The following CELSR1 variants were observed in gnomAD, a reference collection of about 807,000 sequenced individuals.
CELSR1 encodes the protein cadherin EGF LAG seven-pass G-type receptor 1.
In CELSR1, 110 loss-of-function variants were observed where a neutral mutation model predicts 249.1. The observed-to-expected ratio is 0.44, with a 90% CI of 0.38 to 0.52. The LOEUF (loss-of-function observed/expected upper bound fraction) is 0.52, where lower values mean the gene tolerates loss of function less well. Among genes scored for constraint, CELSR1 ranks in the 20% least tolerant of loss-of-function variants. The pLI is 0.00. For synonymous variants in CELSR1, 2,113 were observed against 1,900.0 expected, an observed-to-expected ratio of 1.11 and a Z score of -2.92; for missense variants, 4,109 against 4,296.4, an observed-to-expected ratio of 0.96 and a Z score of 1.22.
In CELSR1 at chr22:46,406,248, C is replaced by T. The variant is rs937513092; in HGVS notation, c.5226+2748G>A. 6.6e-6 allele frequency among the ~76,000 whole-genome samples: 1 copy of T among 152,236 alleles called. No individual in the cohort carries two copies. The highest frequency in any genetic ancestry group is 2.4e-5 in the African/African-American group (1 of 41,458). On this transcript the variant is annotated intron_variant, in intron 9 of 34. Coordinates refer to ENST00000674500, the MANE Select transcript of CELSR1 (RefSeq NM_001378328.1). This position sits in a 1 kb window ranked among gnomAD's most constrained non-coding sequence, Gnocchi z 5.4. ...AAAATACCATCCCCAGGCAGCACCG[C>T]ACTTGCCAAGTTTTGGCCTGGAGCA...
At position 46,381,082 on chromosome 22, in the gene CELSR1, G is replaced by C. The variant is rs1046324744; in HGVS notation, c.7089-127C>G. 1 of 1,010,042 alleles carries C rather than the reference G, an allele frequency of 9.9e-7. No homozygotes were observed. The highest frequency in any genetic ancestry group is 1.6e-5 in the African/African-American group (1 of 61,570). 62.6% of individuals were successfully genotyped at this position (1,010,042 alleles called of 1,614,324 possible). The stretch of plus-strand genomic sequence containing the variant: ...GGGGAGACAGAATCACACTCCGAGA[G>C]CTCGGACCCACGGACCCCACAGTAT... On this transcript the variant is annotated intron_variant, in intron 21 of 34. Coordinates refer to ENST00000674500, the MANE Select transcript of CELSR1 (RefSeq NM_001378328.1). The surrounding 1 kb of genome is among the most constrained non-coding windows in gnomAD (Gnocchi z 6.0).
intron 19 of CELSR1, among the ~76,000 whole-genome samples, chr22:46,386,100 G>A (rs1293031556): frequency 1.3e-5 from 2 of 151,862 alleles, no homozygotes; most frequent in African/African-American, 4.8e-5. Flanking sequence ...CTCCTGAGTA[G>A]CTGGGATTAC....
rs897893564 is a variant in CELSR1 at position 46,484,572 on chromosome 22, C to T, written c.3545-20227G>A. Among the ~76,000 whole-genome samples the T allele has an allele frequency of 4.0e-5, 6 of 150,404 alleles. No homozygotes were observed. The highest frequency in any genetic ancestry group is 6.7e-5 in the Admixed American group (1 of 14,954). On this transcript the variant is annotated intron_variant, in intron 1 of 34. Coordinates refer to ENST00000674500, the MANE Select transcript of CELSR1 (RefSeq NM_001378328.1). The surrounding 1 kb of genome is among the most constrained non-coding windows in gnomAD (Gnocchi z 4.5). ...CCTCAAGTTAGAGCTGGGGGCAGCC[C>T]GGGACAGCCTGGCAAGGGGCAGCTG... is the stretch of plus-strand genomic sequence containing the variant.
Position 46,536,388 on chromosome 22 carries a change from G to A in CELSR1, c.783C>T (p.Gly261=). ...GCGCGTGCAGCTGGAGGATGAGGGT[G>A]CCCGCCGGTTCGTTCTCAAACAACG... The part of the protein sequence containing the change: ...QVALFENEPA[G]TLILQLHAHY... The change falls in exon 1 of 35, where the codon GGC becomes GGT. Residue 261 remains glycine (G), a synonymous_variant. Coordinates refer to ENST00000674500, the MANE Select transcript of CELSR1 (RefSeq NM_001378328.1). The A allele has an allele frequency of 6.2e-7, 1 of 1,612,180 alleles. No homozygotes were observed. The highest frequency in any genetic ancestry group is 8.5e-7 in the Non-Finnish European group (1 of 1,179,466).
At chr22:46,458,891 T>C (rs549744867) in intron 2 of CELSR1, among the ~76,000 whole-genome samples, 149 of 152,168 alleles carry the variant, frequency 9.8e-4, no homozygotes, top group African/African-American at 3.3e-3. Context: ...TTAGGTTTTT[T>C]TTTGTTTGTG....
At chr22:46,369,298 C>CACTGCAG (rs1209373881) in intron 26 of CELSR1, 40 bp from the exon 27 acceptor site, 2 of 140,796 alleles carry the variant, frequency 1.4e-5, no homozygotes, top group Non-Finnish European at 2.5e-5. Context: ...TCTCTCTCGT[C>CACTGCAG]ACTGCAGACC....
chr22:46,395,245 G>C lies in CELSR1; in HGVS notation c.5844-983C>G, dbSNP rs1484167890. On this transcript the variant is annotated intron_variant, in intron 13 of 34. Coordinates refer to ENST00000674500, the MANE Select transcript of CELSR1 (RefSeq NM_001378328.1). This position sits in a 1 kb window ranked among gnomAD's most constrained non-coding sequence, Gnocchi z 5.5. ...TGTGGCGCCGGGCATGGAGATGCTG[G>C]ATCAGCCTCTTGGCAACTCCCCCTG... 6.6e-6 allele frequency among the ~76,000 whole-genome samples: 1 copy of C among 152,200 alleles called. No homozygotes were observed. The highest frequency in any genetic ancestry group is 1.5e-5 in the Non-Finnish European group (1 of 68,032).
intron 27 of CELSR1, among the ~76,000 whole-genome samples, chr22:46,368,914 C>A (rs575518841): frequency 6.6e-6 from 1 of 152,054 alleles, no homozygotes; most frequent in African/African-American, 2.4e-5. Context: ...CTGTGCCAGG[C>A]GGGAGGGACT....
Position 46,434,217 on chromosome 22 carries a change from G to A in CELSR1, c.4523-736C>T, listed in dbSNP as rs565160799. 6.6e-5 allele frequency among the ~76,000 whole-genome samples: 10 copies of A among 152,326 alleles called. No individual in the cohort carries two copies. The South Asian group carries it at 1.5e-3, about 22-fold the overall frequency. On this transcript the variant is annotated intron_variant, in intron 4 of 34. Transcript: ENST00000674500. This position sits in a 1 kb window ranked among gnomAD's most constrained non-coding sequence, Gnocchi z 4.9. ...CACGTCCCATCGTGAGGTCGCGGAC[G>A]CGTCTCTTGTGCATCTCTGCTTTGG...
intron 22 of CELSR1, 23 bp from the exon 23 acceptor site, chr22:46,378,740 G>T (rs747688982): frequency 9.3e-6 from 15 of 1,608,100 alleles, no homozygotes; most frequent in Non-Finnish European, 1.3e-5. Flanking sequence ...CAGAGAAGGG[G>T]CAGGGGTAAG....
chr22:46,393,268 G>T lies in CELSR1; in HGVS notation c.5964+874C>A, dbSNP rs568024211. On this transcript the variant is annotated intron_variant, in intron 14 of 34. Coordinates refer to ENST00000674500, the MANE Select transcript of CELSR1 (RefSeq NM_001378328.1). This position sits in a 1 kb window ranked among gnomAD's most constrained non-coding sequence, Gnocchi z 4.1. ...GGTGATGTATCCTGAGAGGGCTGGG[G>T]AGGGGTCCCTAGAGTCTGCACTGAG... Among the ~76,000 whole-genome samples the T allele has an allele frequency of 7.5e-4, 115 of 152,354 alleles. 1 individual carries two copies. The South Asian group carries it at 0.022, about 29-fold the overall frequency.
At chr22:46,486,652 G>A (rs890038597) in intron 1 of CELSR1, among the ~76,000 whole-genome samples, 4 of 151,976 alleles carry the variant, frequency 2.6e-5, no homozygotes, top group African/African-American at 4.8e-5. Flanking sequence ...AGACCAGCTT[G>A]GCCAACATAG....
At position 46,537,459 on chromosome 22, in the gene CELSR1, C is replaced by T. The variant is rs1602257460; in HGVS notation, c.-289G>A. 6.8e-6 allele frequency among the ~76,000 whole-genome samples: 1 copy of T among 147,878 alleles called. No homozygotes were observed. The highest frequency in any genetic ancestry group is 1.5e-5 in the Non-Finnish European group (1 of 67,084). ...GCGCATCAACCTGCGGCGGCGGCGG[C>T]GGCTCCAGGCGGCTCCAGGTGGCTC... On this transcript the variant is annotated 5_prime_UTR_variant, in exon 1 of 35. Transcript: ENST00000674500. This position sits in a 1 kb window ranked among gnomAD's most constrained non-coding sequence, Gnocchi z 5.8.
At position 46,490,656 on chromosome 22, in the gene CELSR1, G is replaced by A. The variant is rs897985316; in HGVS notation, c.3545-26311C>T. ...GCCTCCCTCAGGCATGGCTGTGAGC[G>A]CCACAGCTGCAGACTCAGGAAAGTG... On this transcript the variant is annotated intron_variant, in intron 1 of 34. Coordinates refer to ENST00000674500, the MANE Select transcript of CELSR1 (RefSeq NM_001378328.1). This position sits in a 1 kb window ranked among gnomAD's most constrained non-coding sequence, Gnocchi z 5.2. Among the ~76,000 whole-genome samples the A allele has an allele frequency of 2.6e-5, 4 of 152,228 alleles. No individual in the cohort carries two copies. The highest frequency in any genetic ancestry group is 2.1e-4 in the South Asian group (1 of 4,818).
In CELSR1 at chr22:46,402,740, T is replaced by C. The variant is rs1171645787; in HGVS notation, c.5227-2838A>G. Among the ~76,000 whole-genome samples, 1 of 152,184 alleles carries C rather than the reference T, an allele frequency of 6.6e-6. No homozygotes were observed. The highest frequency in any genetic ancestry group is 1.5e-5 in the Non-Finnish European group (1 of 68,042). On this transcript the variant is annotated intron_variant, in intron 9 of 34. Coordinates refer to ENST00000674500, the MANE Select transcript of CELSR1 (RefSeq NM_001378328.1). This position sits in a 1 kb window ranked among gnomAD's most constrained non-coding sequence, Gnocchi z 5.0. ...TCAGTGAGACAATTAGACTTACTTCTGGGTGTAGGTGTTACAGAGATAAGG... is the reference window on the plus strand; with the variant it reads ...TCAGTGAGACAATTAGACTTACTTCCGGGTGTAGGTGTTACAGAGATAAGG...
Position 46,526,562 on chromosome 22 carries a change from A to G in CELSR1, c.3544+7065T>C, listed in dbSNP as rs2080740342. Among the ~76,000 whole-genome samples, 1 of 152,046 alleles carries G rather than the reference A, an allele frequency of 6.6e-6. No individual in the cohort carries two copies. The highest frequency in any genetic ancestry group is 6.6e-5 in the Admixed American group (1 of 15,258). ...CCAAGGACCTGCCCTTGGCTAACCCATCACATCTCTGTCCCCAGGCTCTCC... is the reference window on the plus strand; with the variant it reads ...CCAAGGACCTGCCCTTGGCTAACCCGTCACATCTCTGTCCCCAGGCTCTCC... On this transcript the variant is annotated intron_variant, in intron 1 of 34. Coordinates refer to ENST00000674500, the MANE Select transcript of CELSR1 (RefSeq NM_001378328.1). This position sits in a 1 kb window ranked among gnomAD's most constrained non-coding sequence, Gnocchi z 4.7.
chr22:46,494,351 AT>A (rs1336047296), intron 1 of CELSR1, among the ~76,000 whole-genome samples: 2 of 152,080 alleles, frequency 1.3e-5, no homozygotes, highest in East Asian at 3.9e-4. Context: ...CAGATTGTCA[AT>A]TTTTTTCAAC....
rs1172690652 is a variant in CELSR1 at position 46,406,384 on chromosome 22, C to T, written c.5226+2612G>A. On this transcript the variant is annotated intron_variant, in intron 9 of 34. Transcript: ENST00000674500. This position sits in a 1 kb window ranked among gnomAD's most constrained non-coding sequence, Gnocchi z 5.4. ...ACACCTTCCAGGCAATCCGAGAGGT[C>T]TGTGCTGGAAAATGCTCCCGAGCTG... Among the ~76,000 whole-genome samples, 1 of 152,198 alleles carries T rather than the reference C, an allele frequency of 6.6e-6. No homozygotes were observed. The highest frequency in any genetic ancestry group is 1.5e-5 in the Non-Finnish European group (1 of 68,032).
Position 46,433,563 on chromosome 22 carries a change from CAG to C in CELSR1, c.4523-84_4523-83del. Reference sequence around the variant, plus strand: ...GACCGAGGATTGCGCTGTGAGGCATCAGGGGGAGACAGGTGCACATGGCCACG... The same window carrying C: ...GACCGAGGATTGCGCTGTGAGGCATCGGGGAGACAGGTGCACATGGCCACG... On this transcript the variant is annotated intron_variant, in intron 4 of 34. Coordinates refer to ENST00000674500, the MANE Select transcript of CELSR1 (RefSeq NM_001378328.1). The surrounding 1 kb of genome is among the most constrained non-coding windows in gnomAD (Gnocchi z 5.7). 9.7e-7 allele frequency: 1 copy of C among 1,026,978 alleles called. No individual in the cohort carries two copies. Among genetic ancestry groups the C allele is most frequent in the South Asian group, 1.4e-5 (1 of 70,772 alleles). 63.6% of individuals were successfully genotyped at this position (1,026,978 alleles called of 1,614,324 possible). A position where few individuals can be genotyped will look rare whatever the true frequency, so the allele number is the denominator to read the frequency against.
Sources: gnomAD v4.1 joint callset for allele counts (sites outside exome capture counted in the v4.1 genomes callset) on GRCh38, gnomAD v4.1.1 for gene constraint, Gnocchi (gnomAD v3.1) non-coding constraint, MANE v1.5 for transcripts, NCBI Gene and HGNC (gene_info 2026-07-23, HGNC 2026-07-21) for gene names.